The following GLDC variants were observed in gnomAD, a reference collection of about 807,000 sequenced individuals.
GLDC encodes glycine dehydrogenase (decarboxylating), mitochondrial.
A neutral mutation model predicts 121.3 loss-of-function variants in GLDC; 104 were observed. The ratio of observed to expected loss-of-function variants is 0.86; its 90% CI spans 0.73 to 1.01. The LOEUF (loss-of-function observed/expected upper bound fraction) is 1.01, where lower values mean the gene tolerates loss of function less well. GLDC is among the 50% of genes least tolerant of loss of function. The probability of loss-of-function intolerance (pLI) is 0.00; values close to 1 mark genes in which losing one functional copy is unlikely to be tolerated. For missense variants in GLDC, 1,429 were observed against 1,306.6 expected (o/e 1.09, Z -1.44); for synonymous variants, 546 against 480.6 (o/e 1.14, Z -1.78).
At chr9:6,620,929 AG>A (rs1819079245) in intron 2 of GLDC, among the ~76,000 whole-genome samples, 1 of 152,196 alleles carries the variant, frequency 6.6e-6, no homozygotes, top group Non-Finnish European at 1.5e-5. Flanking sequence ...GCACTTTGAG[AG>A]GCTGAGGTGG....
chr9:6,538,051 CTG>C (rs900123586), intron 22 of GLDC, among the ~76,000 whole-genome samples: 1 of 152,116 alleles, frequency 6.6e-6, no homozygotes, highest in African/African-American at 2.4e-5. Flanking sequence ...CAAATCCTAA[CTG>C]TACCATTTAA....
chr9:6,613,462 C>T (rs1487438060), intron 3 of GLDC, among the ~76,000 whole-genome samples: 1 of 152,042 alleles, frequency 6.6e-6, no homozygotes, highest in Non-Finnish European at 1.5e-5. Flanking sequence ...TCTGTCTCTA[C>T]TAAAAATAAA....
In GLDC at chr9:6,636,218, C is replaced by T. The variant is rs192348438; in HGVS notation, c.334+8396G>A. Among the ~76,000 whole-genome samples, 38 of 151,830 alleles carry T rather than the reference C, an allele frequency of 2.5e-4. No individual in the cohort carries two copies. The East Asian group carries it at 3.9e-3, about 16-fold the overall frequency. On this transcript the variant is annotated intron_variant, in intron 2 of 24. Coordinates refer to ENST00000321612, the MANE Select transcript of GLDC (RefSeq NM_000170.3). ...ACTCAGGAAGCTGAGGCAGGAGAAT[C>T]GCTTGAACCCAGGAGGCGGAGGTTG...
At chr9:6,643,916 C>T (rs909359312) in intron 2 of GLDC, among the ~76,000 whole-genome samples, 4 of 149,604 alleles carry the variant, frequency 2.7e-5, no homozygotes, top group South Asian at 2.1e-4. Flanking sequence ...CCCCTGTAAT[C>T]CCAGCTAGTC....
intron 21 of GLDC, among the ~76,000 whole-genome samples, chr9:6,545,086 C>T (rs193286331): frequency 1.2e-4 from 17 of 142,414 alleles, no homozygotes; most frequent in Admixed American, 5.7e-4. Context: ...GTAACAAGAG[C>T]GAAACTCTGT....
At chr9:6,545,760 C>T (rs1237416662) in intron 21 of GLDC, among the ~76,000 whole-genome samples, 1 of 152,058 alleles carries the variant, frequency 6.6e-6, no homozygotes, top group Non-Finnish European at 1.5e-5. Flanking sequence ...TATGCCTCAG[C>T]CTCCCGAGTA....
intron 24 of GLDC, among the ~76,000 whole-genome samples, 164 bp downstream of exon 24, chr9:6,534,544 C>A (rs1458243948): frequency 6.6e-6 from 1 of 152,200 alleles, no homozygotes; most frequent in Non-Finnish European, 1.5e-5. Flanking sequence ...GTGACCTCGC[C>A]TCTGAAAGCC....
At position 6,643,046 on chromosome 9, in the gene GLDC, C is replaced by T. The variant is rs187143352; in HGVS notation, c.334+1568G>A. ...CGGAGTAGCTGGGATTACAGGCGCA[C>T]ACCACCACACCCGGCTAATTTTTGT... On this transcript the variant is annotated intron_variant, in intron 2 of 24. Coordinates refer to ENST00000321612, the MANE Select transcript of GLDC (RefSeq NM_000170.3). Among the ~76,000 whole-genome samples the T allele has an allele frequency of 2.0e-3, 301 of 152,156 alleles. 2 individuals are homozygous for T. Among genetic ancestry groups the T allele is most frequent in the Admixed American group, 5.0e-3 (76 of 15,276 alleles).
At position 6,534,710 on chromosome 9, in the gene GLDC, G is replaced by T. The variant is rs1203164479; in HGVS notation, c.2917C>A (p.Leu973Ile). The part of the protein sequence containing the change: ...PYSREVAAFP[L>I]PFVKPENKFW... The stretch of plus-strand genomic sequence containing the variant: ...ACATTCAGATTCAGAGAACTTACGA[G>T]TGGGAATGCTGCCACCTCTCTGGAA... Residue 973 changes from leucine (L) to isoleucine (I), a missense_variant and splice_region_variant, in exon 24 of 25, where the codon CTC becomes ATC. Transcript: ENST00000321612. 1.9e-6 allele frequency: 3 copies of T among 1,562,992 alleles called. No individual in the cohort carries two copies. Among genetic ancestry groups the T allele is most frequent in the African/African-American group, 2.7e-5 (2 of 73,884 alleles).
rs765893483 is a variant in GLDC at position 6,540,087 on chromosome 9, C to T, written c.2629G>A (p.Glu877Lys). The T allele has an allele frequency of 3.1e-6, 5 of 1,613,318 alleles. 1 individual carries two copies. The South Asian group carries it at 5.5e-5, about 18-fold the overall frequency. Residue 877 changes from glutamate to lysine, a missense_variant, in exon 22 of 25, where the codon GAG becomes AAG. Glu to Lys is a moderately conservative substitution (Grantham distance 56). Coordinates refer to ENST00000321612, the MANE Select transcript of GLDC (RefSeq NM_000170.3). Reference protein sequence around the residue: ...TRPFKKSANIEAVDVAKRLQD... With the variant: ...TRPFKKSANIKAVDVAKRLQD... Reference sequence around the variant, plus strand: ...AGTCTCTTGGCCACATCCACAGCCTCAATATTTGCAGACTTTTTGAAGGGT... The same window carrying T: ...AGTCTCTTGGCCACATCCACAGCCTTAATATTTGCAGACTTTTTGAAGGGT...
intron 16 of GLDC, among the ~76,000 whole-genome samples, chr9:6,559,519 A>T (rs1320338112): frequency 6.6e-4 from 17 of 25,632 alleles, no homozygotes; most frequent in South Asian, 1.8e-3. Flanking sequence ...CCGTATTTAA[A>T]AAAAAAAAAA....
At chr9:6,551,090 G>C (rs1817506447) in intron 20 of GLDC, among the ~76,000 whole-genome samples, 176 bp from the exon 21 acceptor site, 1 of 152,208 alleles carries the variant, frequency 6.6e-6, no homozygotes, top group Non-Finnish European at 1.5e-5. Context: ...ATCCCTGTAA[G>C]CCTGTAATAC....
chr9:6,616,019 A>G (rs542876908), intron 3 of GLDC, among the ~76,000 whole-genome samples: 1 of 152,216 alleles, frequency 6.6e-6, no homozygotes, highest in South Asian at 2.1e-4. Flanking sequence ...CTACAGCCTC[A>G]AACTTCTGGA....
intron 2 of GLDC, among the ~76,000 whole-genome samples, chr9:6,633,821 CTTTTTTTTT>C (rs1156711956): frequency 0.25 from 22,288 of 88,980 alleles, 2,052 homozygotes; most frequent in South Asian, 0.35. Flanking sequence ...GCAGGAGAAT[CTTTTTTTTT>C]TTTTTTTTTT....
chr9:6,628,270 G>C (rs1179877403), intron 2 of GLDC, among the ~76,000 whole-genome samples: 1 of 152,170 alleles, frequency 6.6e-6, no homozygotes, highest in Non-Finnish European at 1.5e-5. Context: ...ATTCTGAGAA[G>C]GTGATTGTGC....
Position 6,645,448 on chromosome 9 carries a change from C to A in GLDC, c.52G>T (p.Gly18Cys), listed in dbSNP as rs535143891. 9.2e-3 allele frequency: 11,545 copies of A among 1,259,152 alleles called. 78 individuals carry two copies. The highest frequency in any genetic ancestry group is 0.011 in the Middle Eastern group (35 of 3,202). The allele number at this position is 1,259,152 out of a possible 1,614,324, so 78.0% of individuals were successfully genotyped here. A position where few individuals can be genotyped will look rare whatever the true frequency, so the allele number is the denominator to read the frequency against. Residue 18 changes from glycine (G) to cysteine (C), a missense_variant, in exon 1 of 25, where the codon GGC (glycine) becomes TGC (cysteine). By Grantham distance (159) the Gly-to-Cys change is radical. Transcript: ENST00000321612. Reference sequence around the variant, plus strand: ...GATCCCCCAGCCAGGCGGCGGCCGCCCCCGACCCCGCGGCCCAGGCGCAGC... The same window carrying A: ...GATCCCCCAGCCAGGCGGCGGCCGCACCCGACCCCGCGGCCCAGGCGCAGC... ...WGLRLGRGVG[G>C]GRRLAGGSGP...
At chr9:6,569,143 T>G (rs888662641) in intron 15 of GLDC, 2 of 151,690 alleles carry the variant, frequency 1.3e-5, no homozygotes, top group South Asian at 2.1e-4. Flanking sequence ...ATCACAGGTG[T>G]GCAAGTTCAG....
chr9:6,637,730 G>A (rs1465110741), intron 2 of GLDC, among the ~76,000 whole-genome samples: 1 of 152,114 alleles, frequency 6.6e-6, no homozygotes, highest in Admixed American at 6.5e-5. Context: ...GCCTCCCAAA[G>A]TGCTAGGATT....
intron 2 of GLDC, among the ~76,000 whole-genome samples, chr9:6,642,782 A>G (rs1041099702): frequency 2.6e-5 from 4 of 152,186 alleles, no homozygotes; most frequent in Non-Finnish European, 4.4e-5. Context: ...TGACTTTGAA[A>G]GTCTCAGGAA....
Sources: gnomAD v4.1 joint callset for allele counts (sites outside exome capture counted in the v4.1 genomes callset) on GRCh38, gnomAD v4.1.1 for gene constraint, MANE v1.5 for transcripts, NCBI Gene and HGNC (gene_info 2026-07-23, HGNC 2026-07-21) for gene names.